TRIM34: variants seen among roughly 807,000 people sequenced by gnomAD.
TRIM34 encodes tripartite motif containing 34, also known as E3 ubiquitin-protein ligase TRIM34.
Under a neutral mutation model 38.1 loss-of-function variants are expected in TRIM34, and 41 were observed. The observed-to-expected ratio is 1.08, with a 90% CI of 0.84 to 1.40. The LOEUF (loss-of-function observed/expected upper bound fraction) is 1.40. Among genes scored for constraint, TRIM34 ranks in the 40% most tolerant of loss-of-function variants. The probability of loss-of-function intolerance (pLI) is 0.00; values close to 1 mark genes in which losing one functional copy is unlikely to be tolerated. For synonymous variants in TRIM34, 200 were observed against 202.5 expected (o/e 0.99, Z 0.10); for missense variants, 556 against 571.4 (o/e 0.97, Z 0.27).
intron 1 of TRIM34, among the ~76,000 whole-genome samples, chr11:5,628,535 T>C (rs931381990): frequency 6.6e-6 from 1 of 152,166 alleles, no homozygotes; most frequent in African/African-American, 2.4e-5. Context: ...TTAAGGTCTT[T>C]TGATGGATGG....
intron 1 of TRIM34, among the ~76,000 whole-genome samples, chr11:5,625,461 T>C (rs1286069891): frequency 1.3e-5 from 2 of 152,156 alleles, no homozygotes; most frequent in African/African-American, 4.8e-5. Context: ...AAAGAGAAGT[T>C]GGTGAAAGGA....
At chr11:5,641,396 G>A in intron 5 of TRIM34, 1 of 1,310,358 alleles carries the variant, frequency 7.6e-7, no homozygotes, top group Non-Finnish European at 9.9e-7. Context: ...AAATTCAGTG[G>A]TTGAAGTTCA....
Position 5,643,729 on chromosome 11 carries a change from T to C in TRIM34, c.*20T>C. On this transcript the variant is annotated 3_prime_UTR_variant, in exon 8 of 8. Transcript: ENST00000429814. ...TCTTGAATTTTCTCATTTCTTCACC[T>C]ACAACCCTTTGTCTTGACTTATCTC... 1 of 1,556,358 alleles carries C rather than the reference T, an allele frequency of 6.4e-7. No individual in the cohort carries two copies. Among genetic ancestry groups the C allele is most frequent in the Non-Finnish European group, 8.6e-7 (1 of 1,156,858 alleles).
intron 5 of TRIM34, 91 bp downstream of exon 5, chr11:5,641,280 A>G (rs1215093386): frequency 6.3e-7 from 1 of 1,595,422 alleles, no homozygotes; most frequent in Non-Finnish European, 8.6e-7. Flanking sequence ...GGAATAAAAA[A>G]TCTCCCAGAG....
At chr11:5,635,640 C>T (rs1337922336) in intron 4 of TRIM34, among the ~76,000 whole-genome samples, 1 of 152,118 alleles carries the variant, frequency 6.6e-6, no homozygotes, top group African/African-American at 2.4e-5. Flanking sequence ...ACAGACAGTG[C>T]TCTCCTTTCT....
At chr11:5,635,826 G>A (rs982704761) in intron 4 of TRIM34, among the ~76,000 whole-genome samples, 4 of 151,980 alleles carry the variant, frequency 2.6e-5, no homozygotes, top group African/African-American at 9.7e-5. Context: ...CTGGAACAGA[G>A]GTTCCTAAAC....
chr11:5,633,146 CTTT>C (rs142147714), intron 2 of TRIM34, among the ~76,000 whole-genome samples: 21 of 106,784 alleles, frequency 2.0e-4, no homozygotes, highest in Middle Eastern at 5.1e-3. Context: ...CCTTTTCTTT[CTTT>C]TTTTTTTTTT....
upstream of TRIM34, among the ~76,000 whole-genome samples, chr11:5,620,761 G>C (rs142964092): frequency 7.9e-5 from 12 of 152,256 alleles, no homozygotes; most frequent in African/African-American, 2.6e-4. Flanking sequence ...CTCCAGATTA[G>C]CTTCTTCTTT....
rs572080664 is a variant in TRIM34 at position 5,627,494 on chromosome 11, G to A, written c.-78+2434G>A. 2.5e-3 allele frequency among the ~76,000 whole-genome samples: 376 copies of A among 151,896 alleles called. 3 individuals carry two copies. Among genetic ancestry groups the A allele is most frequent in the Middle Eastern group, 6.8e-3 (2 of 294 alleles). On this transcript the variant is annotated intron_variant, in intron 1 of 7. Transcript: ENST00000429814. ...AGTTGAGGTGGTTGGAAACTAATTT[G>A]AAAAAAAACTCTTTCAGCATATTCT...
intron 4 of TRIM34, among the ~76,000 whole-genome samples, chr11:5,635,226 T>G (rs1166014135): frequency 6.6e-6 from 1 of 151,978 alleles, no homozygotes; most frequent in African/African-American, 2.4e-5. Context: ...TAAAATATGC[T>G]TATTTGTTAT....
In TRIM34 at chr11:5,642,426, A is replaced by C; in HGVS notation, c.794A>C (p.Lys265Thr). ...CCTAGGAGTGAGATCTGGAGGCTGAAAAAGCCAAAAATGGTTTCCAAGAAA... is the reference window on the plus strand; with the variant it reads ...CCTAGGAGTGAGATCTGGAGGCTGACAAAGCCAAAAATGGTTTCCAAGAAA... ...IMKWSEIWRLKKPKMVSKKLK... is the reference protein window; with the variant it reads ...IMKWSEIWRLTKPKMVSKKLK... Residue 265 changes from lysine (K) to threonine (T), a missense_variant, in exon 6 of 8, where the codon AAA becomes ACA. By Grantham distance (78) the Lys-to-Thr change is moderately conservative. Coordinates refer to ENST00000429814, the MANE Select transcript of TRIM34 (RefSeq NM_021616.6). 1 of 1,613,432 alleles carries C rather than the reference A, an allele frequency of 6.2e-7. No individual in the cohort carries two copies. The highest frequency in any genetic ancestry group is 8.5e-7 in the Non-Finnish European group (1 of 1,180,002).
intron 2 of TRIM34, 68 bp downstream of exon 2, chr11:5,632,822 CTTTTT>C (rs878895848): frequency 1.7e-3 from 1,680 of 978,138 alleles, no homozygotes; most frequent in East Asian, 3.7e-3. Flanking sequence ...CCTTTTCATC[CTTTTT>C]TTTTTTTTTT....
At chr11:5,620,521 G>T (rs1848956662), upstream of TRIM34, among the ~76,000 whole-genome samples, 1 of 152,054 alleles carries the variant, frequency 6.6e-6, no homozygotes, top group Non-Finnish European at 1.5e-5. Flanking sequence ...TCTCTTGTGA[G>T]GGTTGCAGTA....
At chr11:5,620,632 T>G (rs1002180525), upstream of TRIM34, among the ~76,000 whole-genome samples, 1 of 151,612 alleles carries the variant, frequency 6.6e-6, no homozygotes, top group African/African-American at 2.4e-5. Context: ...TCACTTTCTC[T>G]GTCTGCCCAG....
chr11:5,636,012 G>C (rs1269803625), intron 4 of TRIM34, among the ~76,000 whole-genome samples: 1 of 152,190 alleles, frequency 6.6e-6, no homozygotes, highest in African/African-American at 2.4e-5. Context: ...GTTCTCATGT[G>C]GCCTAGCCAT....
In TRIM34 at chr11:5,643,601, C is replaced by A. The variant is rs3740998; in HGVS notation, c.1359C>A (p.Gly453=). 0.27 allele frequency: 429,788 copies of A among 1,613,850 alleles called. 63,669 individuals carry two copies. Among genetic ancestry groups the A allele is most frequent in the East Asian group, 0.57 (25,404 of 44,852 alleles). The change falls in exon 8 of 8, where the codon GGC becomes GGA. Residue 453 remains glycine, a synonymous_variant. Transcript: ENST00000429814. Reference sequence around the variant, plus strand: ...CATTTTTCAATGTCACAAGCCATGGCTCCCTCATTTACAAGTTCTCTAAAT... The same window carrying A: ...CATTTTTCAATGTCACAAGCCATGGATCCCTCATTTACAAGTTCTCTAAAT... ...IVSFFNVTSH[G]SLIYKFSKCC...
chr11:5,620,421 T>C (rs1848948575), upstream of TRIM34, among the ~76,000 whole-genome samples: 1 of 151,564 alleles, frequency 6.6e-6, no homozygotes, highest in Non-Finnish European at 1.5e-5. Flanking sequence ...CAGACTGGAC[T>C]CTAACTCCTG....
Position 5,632,243 on chromosome 11 carries a change from C to T in TRIM34, c.-77-12C>T, listed in dbSNP as rs757998714. The T allele has an allele frequency of 6.4e-5, 102 of 1,583,884 alleles. No homozygotes were observed. The highest frequency in any genetic ancestry group is 7.7e-5 in the Non-Finnish European group (90 of 1,168,574). Reference sequence around the variant, plus strand: ...GTACCATTCTTATACCATCCCCTTTCAATCTTCTCAGCCATCCAGGGGTCT... The same window carrying T: ...GTACCATTCTTATACCATCCCCTTTTAATCTTCTCAGCCATCCAGGGGTCT... On this transcript the variant is annotated splice_polypyrimidine_tract_variant and intron_variant, in intron 1 of 7. Coordinates refer to ENST00000429814, the MANE Select transcript of TRIM34 (RefSeq NM_021616.6).
intron 4 of TRIM34, among the ~76,000 whole-genome samples, chr11:5,635,558 CT>C (rs1849702123): frequency 6.6e-6 from 1 of 152,072 alleles, no homozygotes; most frequent in African/African-American, 2.4e-5. Flanking sequence ...ACCCAGCCCC[CT>C]GTTACTTTTT....
Sources: allele counts gnomAD v4.1 joint callset (sites outside exome capture counted in the v4.1 genomes callset), GRCh38; gene constraint gnomAD v4.1.1; transcripts MANE v1.5; gene names NCBI Gene and HGNC (gene_info 2026-07-23, HGNC 2026-07-21).